The following DLC1 variants were observed in gnomAD, a reference collection of about 807,000 sequenced individuals.
The protein encoded by DLC1 is rho GTPase-activating protein 7.
DLC1 carries 54 observed loss-of-function variants against 140.3 expected under a neutral mutation model. The ratio of observed to expected loss-of-function variants is 0.38; its 90% CI spans 0.31 to 0.48. The LOEUF (loss-of-function observed/expected upper bound fraction) is 0.48, where lower values mean the gene tolerates loss of function less well. Among genes scored for constraint, DLC1 ranks in the 20% least tolerant of loss-of-function variants. The pLI, the probability that DLC1 is intolerant of heterozygous loss-of-function variation, is 0.96. For synonymous variants in DLC1, 986 were observed against 728.1 expected, an observed-to-expected ratio of 1.35 and a Z score of -5.70; for missense variants, 2,536 against 1,907.0, an observed-to-expected ratio of 1.33 and a Z score of -6.14.
At chr8:13,497,035 C>T (rs1245342883) in intron 2 of DLC1, among the ~76,000 whole-genome samples, 2 of 151,994 alleles carry the variant, frequency 1.3e-5, no homozygotes, top group Non-Finnish European at 1.5e-5. Flanking sequence ...CTCCTGACCT[C>T]GTGATACGCC....
chr8:13,121,196 A>C (rs759977092), intron 5 of DLC1, among the ~76,000 whole-genome samples: 1 of 152,190 alleles, frequency 6.6e-6, no homozygotes, highest in Admixed American at 6.6e-5. Context: ...GCAAAGATTC[A>C]TGGAAAAGTT....
At chr8:13,586,407 A>T (rs1805312409) in intron 1 of DLC1, among the ~76,000 whole-genome samples, 1 of 152,172 alleles carries the variant, frequency 6.6e-6, no homozygotes, top group Non-Finnish European at 1.5e-5. Flanking sequence ...AGAGTCAAAG[A>T]TGGCTCATAC....
chr8:13,586,364 G>C (rs1036027488), intron 1 of DLC1, among the ~76,000 whole-genome samples: 1 of 152,088 alleles, frequency 6.6e-6, no homozygotes, highest in African/African-American at 2.4e-5. Context: ...AGTAAGACTT[G>C]ATGACCGATT....
At chr8:13,567,164 A>G (rs1400337935) in intron 1 of DLC1, 1 of 1,551,804 alleles carries the variant, frequency 6.4e-7, no homozygotes. Flanking sequence ...CTGGAGAGGG[A>G]AAAGCAGACT....
chr8:13,507,185 A>G lies in DLC1; in HGVS notation c.-125-6989T>C, dbSNP rs574764515. ...CAAAGAACAAATTACCTAGCAAACT[A>G]AATTGTGTACATTTGGGCGCCTTCC... On this transcript the variant is annotated intron_variant, in intron 1 of 17. Transcript: ENST00000276297. Among the ~76,000 whole-genome samples, 22 of 152,306 alleles carry G rather than the reference A, an allele frequency of 1.4e-4. No homozygotes were observed. In the East Asian group the frequency reaches 4.3e-3, roughly 29 times the overall value.
intron 4 of DLC1, among the ~76,000 whole-genome samples, chr8:13,313,880 C>G (rs1238590310): frequency 6.6e-6 from 1 of 152,004 alleles, no homozygotes; most frequent in Non-Finnish European, 1.5e-5. Flanking sequence ...GTTTGTCACC[C>G]CAAACTAGCT....
chr8:13,376,724 G>T (rs1836008025), intron 4 of DLC1, among the ~76,000 whole-genome samples: 1 of 152,168 alleles, frequency 6.6e-6, no homozygotes, highest in Admixed American at 6.5e-5. Context: ...ACATTTCAAA[G>T]TTTTGGAAAA....
chr8:13,312,303 G>A (rs1832699069), intron 4 of DLC1, among the ~76,000 whole-genome samples: 1 of 104,082 alleles, frequency 9.6e-6, no homozygotes, highest in Non-Finnish European at 1.9e-5. Flanking sequence ...GGAGCTTGCA[G>A]TGAGCCGAGA....
At chr8:13,575,904 C>T (rs1804819831) in intron 1 of DLC1, among the ~76,000 whole-genome samples, 1 of 152,172 alleles carries the variant, frequency 6.6e-6, no homozygotes, top group Non-Finnish European at 1.5e-5. Flanking sequence ...GTAACCTTAA[C>T]ATATTTTGAG....
At position 13,546,127 on chromosome 8, in the gene DLC1, C is replaced by G. The variant is rs151252427; in HGVS notation, c.-125-45931G>C. Among the ~76,000 whole-genome samples, 28 of 152,088 alleles carry G rather than the reference C, an allele frequency of 1.8e-4. 1 individual carries two copies. The East Asian group carries it at 5.4e-3, about 29-fold the overall frequency. ...TTTTTAAAATCTTGTAAGGGATATG[C>G]TATTTATAGGGCTCATGGTCAGTTT... On this transcript the variant is annotated intron_variant, in intron 1 of 1. Coordinates refer to the DLC1 transcript ENST00000631382.
intron 2 of DLC1, among the ~76,000 whole-genome samples, chr8:13,430,895 A>G (rs1838831030): frequency 6.6e-6 from 1 of 152,238 alleles, no homozygotes; most frequent in Non-Finnish European, 1.5e-5. Context: ...TATATTCACA[A>G]TACATTTTGA....
intron 4 of DLC1, among the ~76,000 whole-genome samples, chr8:13,371,206 C>T (rs1188420821): frequency 6.6e-6 from 1 of 152,072 alleles, no homozygotes; most frequent in Non-Finnish European, 1.5e-5. Context: ...ATCTTGAATC[C>T]ATGTATGCCT....
chr8:13,298,884 T>A (rs1170103101), intron 5 of DLC1, among the ~76,000 whole-genome samples: 1 of 152,230 alleles, frequency 6.6e-6, no homozygotes, highest in Non-Finnish European at 1.5e-5. Context: ...ACTATTTTTT[T>A]AAGCCATTTT....
intron 1 of DLC1, among the ~76,000 whole-genome samples, chr8:13,572,512 C>A (rs1164650811): frequency 6.6e-6 from 1 of 152,012 alleles, no homozygotes; most frequent in East Asian, 1.9e-4. Context: ...TCTATTTCTT[C>A]TTTTATTGCC....
intron 2 of DLC1, among the ~76,000 whole-genome samples, chr8:13,433,936 A>G (rs1458626116): frequency 6.6e-6 from 1 of 152,112 alleles, no homozygotes; most frequent in Non-Finnish European, 1.5e-5. Context: ...GCTCACTGCA[A>G]TCTCCGCCTC....
chr8:13,374,604 G>A (rs1835883562), intron 4 of DLC1, among the ~76,000 whole-genome samples: 2 of 152,198 alleles, frequency 1.3e-5, no homozygotes, highest in Non-Finnish European at 1.5e-5. Flanking sequence ...CCAACATGGT[G>A]AAACCCCATC....
intron 5 of DLC1, among the ~76,000 whole-genome samples, chr8:13,278,314 G>A (rs1214085189): frequency 6.6e-6 from 1 of 152,210 alleles, no homozygotes; most frequent in African/African-American, 2.4e-5. Context: ...CAGAGTTTGT[G>A]TGTGTTTCTC....
chr8:13,493,038 A>T (rs1801335152), intron 2 of DLC1, among the ~76,000 whole-genome samples: 1 of 152,210 alleles, frequency 6.6e-6, no homozygotes, highest in South Asian at 2.1e-4. Context: ...TGTCACAGGA[A>T]CTTGTTATGA....
At chr8:13,316,773 G>A (rs1402384300) in intron 4 of DLC1, among the ~76,000 whole-genome samples, 1 of 152,066 alleles carries the variant, frequency 6.6e-6, no homozygotes, top group African/African-American at 2.4e-5. Context: ...TTGGGCCTTG[G>A]GTGATCAGCT....
Sources: gnomAD v4.1 joint callset for allele counts (sites outside exome capture counted in the v4.1 genomes callset) on GRCh38, gnomAD v4.1.1 for gene constraint, MANE v1.5 for transcripts, NCBI Gene and HGNC (gene_info 2026-07-23, HGNC 2026-07-21) for gene names.